MOGAT1: variants seen among roughly 807,000 people sequenced by gnomAD.
MOGAT1 encodes 2-acylglycerol O-acyltransferase 1.
A neutral mutation model predicts 31.4 loss-of-function variants in MOGAT1; 32 were observed. That is an observed-to-expected ratio of 1.02 (90% confidence interval 0.77 to 1.37). The LOEUF (loss-of-function observed/expected upper bound fraction) is 1.37. Among genes scored for constraint, MOGAT1 ranks in the 40% most tolerant of loss-of-function variants. The pLI is 0.00. For synonymous variants in MOGAT1, 145 were observed against 144.5 expected, an observed-to-expected ratio of 1.00 and a Z score of -0.03; for missense variants, 426 against 402.0, an observed-to-expected ratio of 1.06 and a Z score of -0.51.
Position 222,688,438 on chromosome 2 carries a change from T to C in MOGAT1, c.189T>C (p.His63=), listed in dbSNP as rs776650903. 4.3e-6 allele frequency: 7 copies of C among 1,613,870 alleles called. No homozygotes were observed. The highest frequency in any genetic ancestry group is 2.7e-5 in the African/African-American group (2 of 75,058). ...PYLMWLYFDW[H]TPERGGRRSS... is the part of the protein sequence containing the mutation. The stretch of plus-strand genomic sequence containing the variant: ...TGATGTGGCTTTACTTTGACTGGCA[T>C]ACCCCAGAGCGAGGAGGCAGGAGAT... The change falls in exon 2 of 6, where the codon CAT becomes CAC. Residue 63 remains histidine, a synonymous_variant. Coordinates refer to ENST00000446656, the MANE Select transcript of MOGAT1 (RefSeq NM_058165.3).
intron 3 of MOGAT1, among the ~76,000 whole-genome samples, chr2:222,693,016 G>A (rs866227308): frequency 2.0e-5 from 3 of 152,162 alleles, no homozygotes; most frequent in Non-Finnish European, 2.9e-5. Context: ...AGGGCAGTTG[G>A]TCATTCAGAA....
intron 3 of MOGAT1, among the ~76,000 whole-genome samples, chr2:222,690,551 C>G (rs1361731829): frequency 6.6e-6 from 1 of 151,932 alleles, no homozygotes; most frequent in African/African-American, 2.4e-5. Flanking sequence ...AGCGATACTC[C>G]GTCTCAAAAA....
chr2:222,688,799 A>G (rs1406341893), intron 2 of MOGAT1, among the ~76,000 whole-genome samples: 1 of 152,154 alleles, frequency 6.6e-6, no homozygotes, highest in African/African-American at 2.4e-5. Context: ...AGGGCAGGAG[A>G]GGGCAAAAAA....
chr2:222,698,226 C>G (rs183936239), intron 5 of MOGAT1, among the ~76,000 whole-genome samples: 1 of 152,258 alleles, frequency 6.6e-6, no homozygotes, highest in African/African-American at 2.4e-5. Context: ...ACTAGTTGAC[C>G]GTCAGGACAA....
intron 1 of MOGAT1, among the ~76,000 whole-genome samples, chr2:222,685,423 G>A (rs149685259): frequency 5.3e-5 from 8 of 152,158 alleles, no homozygotes; most frequent in East Asian, 3.9e-4. Context: ...AATTTGTCCC[G>A]GGTCAGGAAG....
intron 1 of MOGAT1, among the ~76,000 whole-genome samples, chr2:222,683,814 A>T (rs1196560951): frequency 2.0e-5 from 3 of 152,198 alleles, no homozygotes; most frequent in Non-Finnish European, 4.4e-5. Flanking sequence ...AGTGCCATTG[A>T]TAGGAAGCCA....
intron 5 of MOGAT1, among the ~76,000 whole-genome samples, chr2:222,709,311 ACT>A (rs1693077233): frequency 1.3e-5 from 2 of 152,048 alleles, no homozygotes; most frequent in East Asian, 1.9e-4. Context: ...ACAGAGTAAG[ACT>A]CTGTCTCAAA....
chr2:222,700,657 C>G (rs7595001), intron 5 of MOGAT1, among the ~76,000 whole-genome samples: 68,010 of 151,954 alleles, frequency 0.45, 15,803 homozygotes, highest in African/African-American at 0.52. Context: ...ACTAGACCCT[C>G]AAGACTGTAT....
At chr2:222,674,645 C>T (rs551884667) in intron 1 of MOGAT1, among the ~76,000 whole-genome samples, 3 of 152,136 alleles carry the variant, frequency 2.0e-5, no homozygotes, top group East Asian at 3.9e-4. Flanking sequence ...TTGTTTCCTT[C>T]GTGTCTAGTG....
At chr2:222,680,082 A>C (rs1692555539) in intron 1 of MOGAT1, among the ~76,000 whole-genome samples, 1 of 152,122 alleles carries the variant, frequency 6.6e-6, no homozygotes, top group Non-Finnish European at 1.5e-5. Context: ...TAGTGAATAA[A>C]AGTCAATTAG....
intron 5 of MOGAT1, among the ~76,000 whole-genome samples, chr2:222,708,244 C>T (rs543450876): frequency 5.9e-5 from 9 of 152,232 alleles, no homozygotes; most frequent in African/African-American, 1.2e-4. Flanking sequence ...CCACCACGTC[C>T]GGCTAATTTT....
chr2:222,673,927 C>T (rs1692460890), intron 1 of MOGAT1, among the ~76,000 whole-genome samples: 2 of 152,156 alleles, frequency 1.3e-5, no homozygotes, highest in South Asian at 4.1e-4. Flanking sequence ...TACACAAATA[C>T]TTGTTGAATG....
intron 3 of MOGAT1, among the ~76,000 whole-genome samples, chr2:222,690,636 A>T (rs1692745725): frequency 6.6e-6 from 1 of 152,174 alleles, no homozygotes; most frequent in Non-Finnish European, 1.5e-5. Flanking sequence ...TCAAGTCACT[A>T]CTGTCATTAT....
chr2:222,674,655 G>A (rs1692470148), intron 1 of MOGAT1, among the ~76,000 whole-genome samples: 1 of 151,944 alleles, frequency 6.6e-6, no homozygotes, highest in African/African-American at 2.4e-5. Context: ...CGTGTCTAGT[G>A]AATTCACACA....
At chr2:222,673,688 T>C (rs1692456607) in intron 1 of MOGAT1, among the ~76,000 whole-genome samples, 1 of 152,244 alleles carries the variant, frequency 6.6e-6, no homozygotes, top group Non-Finnish European at 1.5e-5. Flanking sequence ...TTAAATGGCC[T>C]GAACTTGGAG....
At position 222,689,371 on chromosome 2, in the gene MOGAT1, C is replaced by G; in HGVS notation, c.380C>G (p.Ser127Cys). The G allele has an allele frequency of 3.1e-6, 5 of 1,614,028 alleles. No homozygotes were observed. The highest frequency in any genetic ancestry group is 4.2e-6 in the Non-Finnish European group (5 of 1,179,888). The change falls in exon 3 of 6, where the codon TCT becomes TGT. Residue 127 changes from serine (S) to cysteine (C), a missense_variant. Coordinates refer to ENST00000446656, the MANE Select transcript of MOGAT1 (RefSeq NM_058165.3). ...GAFGNFSVNYSDFKDLFPGFT... is the reference protein window; with the variant it reads ...GAFGNFSVNYCDFKDLFPGFT... ...TTTGGGAATTTTTCTGTAAATTATT[C>G]TGACTTCAAGGACCTGTTTCCTGGC...
intron 2 of MOGAT1, among the ~76,000 whole-genome samples, 190 bp from the exon 3 acceptor site, chr2:222,689,075 G>C (rs1355701282): frequency 1.3e-5 from 2 of 152,312 alleles, no homozygotes; most frequent in East Asian, 3.9e-4. Context: ...ACAAAATCTA[G>C]AAGGCTATAT....
At chr2:222,706,048 G>A (rs1693000207) in intron 5 of MOGAT1, among the ~76,000 whole-genome samples, 1 of 152,230 alleles carries the variant, frequency 6.6e-6, no homozygotes, top group African/African-American at 2.4e-5. Context: ...CTGGGTTTAA[G>A]TCGTATTAAT....
At chr2:222,703,869 C>A (rs1473746413) in intron 5 of MOGAT1, among the ~76,000 whole-genome samples, 1 of 150,870 alleles carries the variant, frequency 6.6e-6, no homozygotes, top group Non-Finnish European at 1.5e-5. Context: ...GTTGCCTCCA[C>A]GAGAAAAAAA....
Sources: gnomAD v4.1 joint callset for allele counts (sites outside exome capture counted in the v4.1 genomes callset) on GRCh38, gnomAD v4.1.1 for gene constraint, MANE v1.5 for transcripts, NCBI Gene and HGNC (gene_info 2026-07-23, HGNC 2026-07-21) for gene names.